RORA: variants seen among roughly 807,000 people sequenced by gnomAD.
The protein encoded by RORA is nuclear receptor ROR-alpha.
In RORA, 7 loss-of-function variants were observed where a neutral mutation model predicts 69.5. The ratio of observed to expected loss-of-function variants is 0.10; its 90% CI spans 0.06 to 0.19. The LOEUF (loss-of-function observed/expected upper bound fraction) is 0.19. Among genes scored for constraint, RORA ranks in the 10% least tolerant of loss-of-function variants. The pLI is 1.00. For synonymous variants in RORA, 261 were observed against 240.8 expected (o/e 1.08, Z -0.78); for missense variants, 457 against 663.0 (o/e 0.69, Z 3.41).
At chr15:60,831,956 C>A (rs1055182395) in intron 1 of RORA, among the ~76,000 whole-genome samples, 1 of 152,186 alleles carries the variant, frequency 6.6e-6, no homozygotes, top group African/African-American at 2.4e-5. Flanking sequence ...ACAAAGCCTA[C>A]AACCTGACCT....
intron 1 of RORA, among the ~76,000 whole-genome samples, chr15:60,875,676 G>A (rs17204573): frequency 0.083 from 12,693 of 152,202 alleles, 613 homozygotes; most frequent in Middle Eastern, 0.13. Context: ...TTAGAAATGC[G>A]TCTGCTGTTG....
intron 1 of RORA, among the ~76,000 whole-genome samples, chr15:60,917,441 G>A (rs549956066): frequency 4.6e-5 from 7 of 152,186 alleles, no homozygotes; most frequent in African/African-American, 7.2e-5. Flanking sequence ...GTTTTCTGTC[G>A]TAAGGAAAGT....
intron 2 of RORA, among the ~76,000 whole-genome samples, chr15:60,677,436 G>A (rs1043524245): frequency 2.0e-5 from 3 of 152,182 alleles, no homozygotes; most frequent in African/African-American, 7.2e-5. Context: ...TCCGGATCAT[G>A]TGTCTAGTAC....
Position 61,128,122 on chromosome 15 carries a change from C to T in RORA, c.166+100931G>A, listed in dbSNP as rs1818666104. Among the ~76,000 whole-genome samples the T allele has an allele frequency of 6.6e-6, 1 of 152,060 alleles. No homozygotes were observed. The highest frequency in any genetic ancestry group is 1.5e-5 in the Non-Finnish European group (1 of 68,012). On this transcript the variant is annotated intron_variant, in intron 1 of 10. Transcript: ENST00000335670. The surrounding 1 kb of genome is among the most constrained non-coding windows in gnomAD (Gnocchi z 4.5). ...CACACTGAAACATAATTTCAAGAGTCAGCTTATTTATCATTTCTACTTAAG... is the reference window on the plus strand; with the variant it reads ...CACACTGAAACATAATTTCAAGAGTTAGCTTATTTATCATTTCTACTTAAG...
At chr15:61,053,144 T>C (rs943323957) in intron 1 of RORA, among the ~76,000 whole-genome samples, 5 of 152,188 alleles carry the variant, frequency 3.3e-5, no homozygotes, top group African/African-American at 1.2e-4. Flanking sequence ...AGCTACTCAA[T>C]CACTTGGTCC....
intron 1 of RORA, among the ~76,000 whole-genome samples, chr15:61,132,947 G>C (rs558927063): frequency 9.3e-4 from 142 of 152,166 alleles, no homozygotes; most frequent in African/African-American, 3.3e-3. Flanking sequence ...TGGAACACTC[G>C]ACTGTTGTGA....
At chr15:61,021,000 T>C (rs16943514) in intron 1 of RORA, among the ~76,000 whole-genome samples, 2,579 of 152,342 alleles carry the variant, frequency 0.017, 68 homozygotes, top group African/African-American at 0.058. Context: ...TGGGGGCAGA[T>C]GGCTTTGTGC....
Position 60,514,777 on chromosome 15 carries a change from T to A in RORA, c.283-20A>T, listed in dbSNP as rs1408048664. On this transcript the variant is annotated intron_variant, in intron 3 of 10. Coordinates refer to ENST00000335670, the MANE Select transcript of RORA (RefSeq NM_134261.3). ...AAAGCCCTGTGATATGGTTATAAAA[T>A]ATAAAACAGGTTAGTGTCAGAATGA... 2 of 1,609,074 alleles carry A rather than the reference T, an allele frequency of 1.2e-6. No homozygotes were observed. The highest frequency in any genetic ancestry group is 8.5e-7 in the Non-Finnish European group (1 of 1,176,026).
chr15:61,069,841 T>A (rs2078315914), intron 1 of RORA, among the ~76,000 whole-genome samples: 1 of 152,158 alleles, frequency 6.6e-6, no homozygotes, highest in African/African-American at 2.4e-5. Flanking sequence ...CTCCTCCACC[T>A]CCTGTCTGTT....
At chr15:60,971,419 A>G (rs72752791) in intron 1 of RORA, among the ~76,000 whole-genome samples, 44,392 of 151,984 alleles carry the variant, frequency 0.29, 6,566 homozygotes, top group Non-Finnish European at 0.3. Context: ...CCAGGCCCGC[A>G]TGTCCCTAAC....
In RORA at chr15:60,784,795, T is replaced by G. The variant is rs77199117; in HGVS notation, c.167-106109A>C. Reference sequence around the variant, plus strand: ...AAGTAGAAAACCAACCTAACCTCTATAAAGTAGAAATGTCGCCTATGCCCT... The same window carrying G: ...AAGTAGAAAACCAACCTAACCTCTAGAAAGTAGAAATGTCGCCTATGCCCT... On this transcript the variant is annotated intron_variant, in intron 1 of 10. Coordinates refer to ENST00000335670, the MANE Select transcript of RORA (RefSeq NM_134261.3). 5.6e-3 allele frequency among the ~76,000 whole-genome samples: 853 copies of G among 152,328 alleles called. 6 individuals carry two copies. The highest frequency in any genetic ancestry group is 0.019 in the African/African-American group (804 of 41,576).
chr15:60,993,385 T>C (rs534056790), intron 1 of RORA, among the ~76,000 whole-genome samples: 98 of 152,176 alleles, frequency 6.4e-4, no homozygotes, highest in Middle Eastern at 3.4e-3. Context: ...ACTCCTGTAA[T>C]CCCAGCACTT....
At chr15:60,505,094 C>A (rs1460585066) in intron 6 of RORA, among the ~76,000 whole-genome samples, 1 of 152,166 alleles carries the variant, frequency 6.6e-6, no homozygotes, top group Non-Finnish European at 1.5e-5. Flanking sequence ...TTTGTATATA[C>A]TCCCTAATAC....
chr15:60,726,438 T>C (rs1172928837), intron 1 of RORA, among the ~76,000 whole-genome samples: 1 of 152,178 alleles, frequency 6.6e-6, no homozygotes, highest in East Asian at 1.9e-4. Flanking sequence ...ACCTACTGTG[T>C]GCAAGGCAGT....
At position 60,605,966 on chromosome 15, in the gene RORA, T is replaced by C. The variant is rs532853683; in HGVS notation, c.196+72691A>G. On this transcript the variant is annotated intron_variant, in intron 2 of 10. Coordinates refer to ENST00000335670, the MANE Select transcript of RORA (RefSeq NM_134261.3). Reference sequence around the variant, plus strand: ...ATTCCCAGGCTATTTTAAATGATCTTGGACAGGGCTACTGAATGACTTGTC... The same window carrying C: ...ATTCCCAGGCTATTTTAAATGATCTCGGACAGGGCTACTGAATGACTTGTC... 5.3e-5 allele frequency among the ~76,000 whole-genome samples: 8 copies of C among 152,352 alleles called. No individual in the cohort carries two copies. In the East Asian group the frequency reaches 1.2e-3, roughly 22 times the overall value.
intron 1 of RORA, among the ~76,000 whole-genome samples, chr15:61,172,593 T>C (rs1004022167): frequency 2.6e-5 from 4 of 152,314 alleles, no homozygotes; most frequent in Non-Finnish European, 4.4e-5. Context: ...CTACTTTCAG[T>C]TGACCCTTGC....
intron 1 of RORA, among the ~76,000 whole-genome samples, chr15:60,777,042 A>G (rs1243488081): frequency 6.6e-6 from 1 of 152,170 alleles, no homozygotes; most frequent in East Asian, 1.9e-4. Flanking sequence ...CTAGTTAATA[A>G]TAGGTGCTGA....
At position 60,496,425 on chromosome 15, in the gene RORA, C is replaced by A. The variant is rs1372883261; in HGVS notation, c.*1030G>T. On this transcript the variant is annotated 3_prime_UTR_variant, in exon 11 of 11. Transcript: ENST00000335670. The surrounding 1 kb of genome is among the most constrained non-coding windows in gnomAD (Gnocchi z 4.5). ...TAAAATGAGCTTCTCCTCCCCCTCGCCTCCATGAGGTGGCATTTTAAAAAG... is the reference window on the plus strand; with the variant it reads ...TAAAATGAGCTTCTCCTCCCCCTCGACTCCATGAGGTGGCATTTTAAAAAG... The A allele has an allele frequency of 6.6e-6, 1 of 151,954 alleles. No individual in the cohort carries two copies. Among genetic ancestry groups the A allele is most frequent in the Non-Finnish European group, 1.5e-5 (1 of 68,006 alleles). The allele number at this position is 151,954 out of a possible 1,614,324, so 9.4% of individuals were successfully genotyped here. A position where few individuals can be genotyped will look rare whatever the true frequency, so the allele number is the denominator to read the frequency against.
At chr15:61,121,467 A>G (rs1283092594) in intron 1 of RORA, among the ~76,000 whole-genome samples, 1 of 152,234 alleles carries the variant, frequency 6.6e-6, no homozygotes, top group East Asian at 1.9e-4. Flanking sequence ...ATTTCTGCAA[A>G]GCAGGAAGCC....
Sources: allele counts gnomAD v4.1 joint callset (sites outside exome capture counted in the v4.1 genomes callset), GRCh38; gene constraint gnomAD v4.1.1; non-coding constraint Gnocchi (gnomAD v3.1); transcripts MANE v1.5; gene names NCBI Gene and HGNC (gene_info 2026-07-23, HGNC 2026-07-21).